PPP1R9A: variants seen among roughly 807,000 people sequenced by gnomAD.
PPP1R9A encodes protein phosphatase 1 regulatory subunit 9A.
In PPP1R9A, 59 loss-of-function variants were observed where a neutral mutation model predicts 141.9. The observed-to-expected ratio is 0.42, with a 90% CI of 0.34 to 0.52. PPP1R9A has a LOEUF of 0.52. Ranked by LOEUF, PPP1R9A falls within the 20% of genes least tolerant of loss-of-function variation. The probability of loss-of-function intolerance (pLI) is 0.10; values close to 1 mark genes in which losing one functional copy is unlikely to be tolerated. For missense variants in PPP1R9A, 1,444 were observed against 1,611.9 expected, an observed-to-expected ratio of 0.90 and a Z score of 1.78; for synonymous variants, 500 against 569.7, an observed-to-expected ratio of 0.88 and a Z score of 1.74.
intron 16 of PPP1R9A, among the ~76,000 whole-genome samples, chr7:95,282,984 G>A (rs1465596296): frequency 6.6e-6 from 1 of 152,140 alleles, no homozygotes; most frequent in Non-Finnish European, 1.5e-5. Flanking sequence ...TATACATGTG[G>A]TGGGACAGAA....
intron 2 of PPP1R9A, among the ~76,000 whole-genome samples, chr7:95,108,270 T>A (rs1237900693): frequency 2.0e-5 from 1 of 49,538 alleles, no homozygotes; most frequent in African/African-American, 7.1e-5. Flanking sequence ...CATTATTTTC[T>A]TTTTCTTTTT....
chr7:94,973,406 A>G (rs1799073968), intron 2 of PPP1R9A, among the ~76,000 whole-genome samples: 1 of 152,188 alleles, frequency 6.6e-6, no homozygotes, highest in Non-Finnish European at 1.5e-5. Flanking sequence ...AGAACCAAAA[A>G]GCGAGTTTGG....
At chr7:95,252,255 G>C (rs1057457047) in intron 12 of PPP1R9A, 125 bp downstream of exon 12, 53 of 1,106,380 alleles carry the variant, frequency 4.8e-5, no homozygotes, top group African/African-American at 4.5e-4. Context: ...AGAAGAAAAG[G>C]CTTATCAAAA....
chr7:95,058,348 C>G (rs1811769378), intron 2 of PPP1R9A, among the ~76,000 whole-genome samples: 1 of 152,138 alleles, frequency 6.6e-6, no homozygotes, highest in African/African-American at 2.4e-5. Flanking sequence ...AAAAACAAAA[C>G]AAAACAAAAT....
At chr7:95,255,872 C>T (rs1799513340) in intron 12 of PPP1R9A, among the ~76,000 whole-genome samples, 1 of 151,956 alleles carries the variant, frequency 6.6e-6, no homozygotes, top group South Asian at 2.1e-4. Context: ...ATCTTGTAAG[C>T]ATTGTGACCC....
intron 2 of PPP1R9A, among the ~76,000 whole-genome samples, chr7:95,022,156 G>A (rs1806066770): frequency 6.6e-6 from 1 of 152,080 alleles, no homozygotes; most frequent in Admixed American, 6.6e-5. Context: ...TTGAGCAGTG[G>A]TTTGTAGTTC....
At chr7:94,994,678 G>A (rs1025578933) in intron 2 of PPP1R9A, among the ~76,000 whole-genome samples, 5 of 151,854 alleles carry the variant, frequency 3.3e-5, no homozygotes, top group African/African-American at 1.2e-4. Context: ...GACGGATCAC[G>A]AGGTCAAGAG....
chr7:95,245,547 G>A (rs1432501074), intron 8 of PPP1R9A, among the ~76,000 whole-genome samples: 1 of 152,160 alleles, frequency 6.6e-6, no homozygotes, highest in Non-Finnish European at 1.5e-5. Flanking sequence ...AGCCTGGTGT[G>A]TCAGGATTCC....
intron 2 of PPP1R9A, among the ~76,000 whole-genome samples, chr7:94,954,202 G>T (rs936638583): frequency 6.6e-6 from 1 of 151,624 alleles, no homozygotes; most frequent in African/African-American, 2.4e-5. Flanking sequence ...AAATTTTACT[G>T]CTTAGCTGCA....
chr7:95,158,781 G>A (rs1237780520), intron 4 of PPP1R9A, among the ~76,000 whole-genome samples: 1 of 151,992 alleles, frequency 6.6e-6, no homozygotes, highest in African/African-American at 2.4e-5. Context: ...GTAACAAATG[G>A]GTAAAAGAAA....
chr7:95,121,966 T>C (rs1200315545), intron 4 of PPP1R9A, among the ~76,000 whole-genome samples: 1 of 152,196 alleles, frequency 6.6e-6, no homozygotes, highest in Admixed American at 6.5e-5. Context: ...GGCAATATAA[T>C]AAAAGTAGAC....
chr7:95,169,660 G>T (rs899928549), intron 5 of PPP1R9A, among the ~76,000 whole-genome samples: 1 of 151,788 alleles, frequency 6.6e-6, no homozygotes, highest in African/African-American at 2.4e-5. Context: ...ATGTACAAAT[G>T]TTTATATCAA....
intron 5 of PPP1R9A, among the ~76,000 whole-genome samples, chr7:95,166,546 A>G (rs1464773123): frequency 1.3e-5 from 2 of 152,234 alleles, no homozygotes; most frequent in Non-Finnish European, 2.9e-5. Flanking sequence ...AGAAAAGTCC[A>G]GGACTGGATG....
intron 16 of PPP1R9A, among the ~76,000 whole-genome samples, chr7:95,282,665 T>C (rs1804495754): frequency 6.6e-6 from 1 of 152,166 alleles, no homozygotes; most frequent in Admixed American, 6.5e-5. Flanking sequence ...CAGATTCATG[T>C]TTTTGGAGTT....
chr7:95,263,209 A>G (rs1307557620), intron 12 of PPP1R9A, among the ~76,000 whole-genome samples: 2 of 152,220 alleles, frequency 1.3e-5, no homozygotes, highest in Non-Finnish European at 2.9e-5. Flanking sequence ...AAGAGAAAAT[A>G]TACTAAATAT....
intron 4 of PPP1R9A, among the ~76,000 whole-genome samples, chr7:95,159,432 T>A (rs1830111081): frequency 6.6e-6 from 1 of 152,172 alleles, no homozygotes; most frequent in African/African-American, 2.4e-5. Context: ...ATTAGTATTA[T>A]ACTTCAAGTT....
intron 2 of PPP1R9A, among the ~76,000 whole-genome samples, chr7:95,020,973 C>A (rs1805861512): frequency 6.6e-6 from 1 of 152,146 alleles, no homozygotes; most frequent in South Asian, 2.1e-4. Context: ...GATTTATAAT[C>A]CTTTGGGTAT....
At chr7:95,072,656 AAT>A (rs1037114420) in intron 2 of PPP1R9A, among the ~76,000 whole-genome samples, 4 of 123,930 alleles carry the variant, frequency 3.2e-5, no homozygotes, top group Admixed American at 1.1e-4. Context: ...TATATTATAA[AAT>A]ATATATTATA....
chr7:95,161,840 G>T (rs1226929368), intron 4 of PPP1R9A, 27 bp from the exon 5 acceptor site: 6 of 1,418,670 alleles, frequency 4.2e-6, no homozygotes, highest in Middle Eastern at 1.8e-4. Flanking sequence ...TGTAATTTAT[G>T]TGGGTAATTT....
Sources: gnomAD v4.1 joint callset for allele counts (sites outside exome capture counted in the v4.1 genomes callset) on GRCh38, gnomAD v4.1.1 for gene constraint, MANE v1.5 for transcripts, NCBI Gene and HGNC (gene_info 2026-07-23, HGNC 2026-07-21) for gene names.